HSPD1: variants seen among roughly 807,000 people sequenced by gnomAD.
HSPD1 encodes heat shock protein family D (Hsp60) member 1.
HSPD1 carries 3 observed loss-of-function variants against 53.0 expected under a neutral mutation model. The observed-to-expected ratio is 0.06, with a 90% CI of 0.03 to 0.15. The LOEUF (loss-of-function observed/expected upper bound fraction) is 0.15, where lower values mean the gene tolerates loss of function less well. HSPD1 is among the 10% of genes least tolerant of loss of function. The probability of loss-of-function intolerance (pLI) is 1.00; values close to 1 mark genes in which losing one functional copy is unlikely to be tolerated. For synonymous variants in HSPD1, 200 were observed against 228.0 expected, an observed-to-expected ratio of 0.88 and a Z score of 1.10; for missense variants, 431 against 694.1, an observed-to-expected ratio of 0.62 and a Z score of 4.26.
Position 197,489,099 on chromosome 2 carries a change from T to G in HSPD1, c.1118A>C (p.Glu373Ala), listed in dbSNP as rs1368807267. The change falls in exon 9 of 12, where the codon GAA becomes GCA. Residue 373 changes from glutamate (E) to alanine (A), a missense_variant. Physicochemically the swap from Glu to Ala is moderately radical, Grantham distance 107. Around this residue, in one of 2 missense-constraint regions of HSPD1, gnomAD observed 386 missense variants for 657.6 expected, o/e 0.59. Transcript: ENST00000388968. ...DKAQIEKRIQ[E>A]IIEQLDVTTS... ...TGTGACATCTAACTGCTCAATGATT[T>G]CTTGAATACGTTTTTCAATTTGAGC... 2 of 1,614,008 alleles carry G rather than the reference T, an allele frequency of 1.2e-6. No individual in the cohort carries two copies. The highest frequency in any genetic ancestry group is 1.7e-6 in the Non-Finnish European group (2 of 1,179,892).
intron 9 of HSPD1, 134 bp downstream of exon 9, chr2:197,488,864 AAAAC>A (rs771531714): frequency 2.5e-5 from 26 of 1,059,692 alleles, no homozygotes; most frequent in South Asian, 1.7e-4. Context: ...AGCTCAAAAC[AAAAC>A]AAACAAAATT....
chr2:197,496,941 T>C, intron 3 of HSPD1, 199 bp downstream of exon 3: 1 of 612,548 alleles, frequency 1.6e-6, no homozygotes, highest in Non-Finnish European at 2.9e-6. Flanking sequence ...AAGTAAAATA[T>C]CAAAATTACC....
At chr2:197,497,039 G>C (rs2086166966) in intron 3 of HSPD1, 101 bp downstream of exon 3, 1 of 1,184,032 alleles carries the variant, frequency 8.4e-7, no homozygotes, top group African/African-American at 1.5e-5. Context: ...AATGAGAGAA[G>C]GATTAATTTC....
chr2:197,489,122 A>G lies in HSPD1; in HGVS notation c.1095T>C (p.Ala365=). The G allele has an allele frequency of 6.2e-7, 1 of 1,614,026 alleles. No homozygotes were observed. Among genetic ancestry groups the G allele is most frequent in the Non-Finnish European group, 8.5e-7 (1 of 1,179,948 alleles). ...TTTCTTGAATACGTTTTTCAATTTGAGCCTTGTCACCTTTTCCTTTTAAGA... is the reference window on the plus strand; with the variant it reads ...TTTCTTGAATACGTTTTTCAATTTGGGCCTTGTCACCTTTTCCTTTTAAGA... ...AMLLKGKGDK[A]QIEKRIQEII... is the part of the protein sequence containing the mutation. Residue 365 remains alanine (A), a synonymous_variant, in exon 9 of 12, where the codon GCT becomes GCC. Transcript: ENST00000388968.
At chr2:197,496,477 G>T (rs2086158439) in intron 3 of HSPD1, among the ~76,000 whole-genome samples, 1 of 152,078 alleles carries the variant, frequency 6.6e-6, no homozygotes, top group African/African-American at 2.4e-5. Context: ...TTACAAGAGG[G>T]TTCCTGGTTT....
chr2:197,487,939 T>A lies in HSPD1; in HGVS notation c.1488A>T (p.Gln496His). 3 of 1,613,706 alleles carry A rather than the reference T, an allele frequency of 1.9e-6. No individual in the cohort carries two copies. Among genetic ancestry groups the A allele is most frequent in the Non-Finnish European group, 1.7e-6 (2 of 1,179,610 alleles). The change falls in exon 11 of 12, where the codon CAA becomes CAT. Residue 496 changes from glutamine to histidine, a missense_variant. By Grantham distance (24) the Gln-to-His change is conservative (BLOSUM62 0). This residue lies in a region of HSPD1 where 386 missense variants were observed against 657.6 expected (regional missense o/e 0.59). Coordinates refer to ENST00000388968, the MANE Select transcript of HSPD1 (RefSeq NM_002156.5). ...CATCATAACCAACTTCTGAGGAACT[T>A]TGCATAATTTTCTCAACTATCAAAG... is the stretch of plus-strand genomic sequence containing the variant. ...EGSLIVEKIM[Q>H]SSSEVGYDAM... is the part of the protein sequence containing the mutation.
chr2:197,492,581 AAAAAC>A lies in HSPD1; in HGVS notation c.869+738_869+742del, dbSNP rs1356257071. ...ATATTTTTAACCAGAAAAACCTTAAAAAAACAAAACAAAACAAAACAAAAAACAAG... is the reference window on the plus strand; with the variant it reads ...ATATTTTTAACCAGAAAAACCTTAAAAAAACAAAACAAAACAAAAAACAAG... On this transcript the variant is annotated intron_variant, in intron 7 of 11. Coordinates refer to ENST00000388968, the MANE Select transcript of HSPD1 (RefSeq NM_002156.5). 5.3e-5 allele frequency among the ~76,000 whole-genome samples: 8 copies of A among 152,076 alleles called. No individual in the cohort carries two copies. In the South Asian group the frequency reaches 6.2e-4, roughly 12 times the overall value.
chr2:197,500,218 C>T (rs969175107), upstream of HSPD1: 13 of 615,060 alleles, frequency 2.1e-5, no homozygotes, highest in Middle Eastern at 1.3e-3. Context: ...GCCTCCGAGT[C>T]TTCGCGTCAG....
intron 4 of HSPD1, 42 bp downstream of exon 4, chr2:197,495,252 T>C (rs1408216807): frequency 8.4e-7 from 1 of 1,184,572 alleles, no homozygotes. Flanking sequence ...ACACATGCCA[T>C]TAAATTTTTT....
chr2:197,488,387 C>A lies in HSPD1; in HGVS notation c.1320G>T (p.Gly440=), dbSNP rs752398270. The A allele has an allele frequency of 3.1e-6, 5 of 1,613,780 alleles. No individual in the cohort carries two copies. In the African/African-American group the frequency reaches 5.3e-5, roughly 17 times the overall value. The change falls in exon 10 of 12, where the codon GGG becomes GGT. Residue 440 remains glycine, a synonymous_variant. Coordinates refer to ENST00000388968, the MANE Select transcript of HSPD1 (RefSeq NM_002156.5). ...AAVEEGIVLG[G]GCALLRCIPA... is the part of the protein sequence containing the mutation. ...GAATGCATCGAAGGAGGGCACAACC[C>A]CCTCCCAAAACAATGCCTTCTTCAA...
chr2:197,487,925 A>G lies in HSPD1; in HGVS notation c.1502T>C (p.Val501Ala), dbSNP rs1410369631. ...VEKIMQSSSE[V>A]GYDAMAGDFV... ...ATCTCCAGCCATAGCATCATAACCA[A>G]CTTCTGAGGAACTTTGCATAATTTT... The change falls in exon 11 of 12, where the codon GTT becomes GCT. Residue 501 changes from valine (V) to alanine (A), a missense_variant. Transcript: ENST00000388968. The G allele has an allele frequency of 1.2e-6, 2 of 1,613,670 alleles. No homozygotes were observed. The highest frequency in any genetic ancestry group is 2.2e-5 in the East Asian group (1 of 44,854).
At chr2:197,499,035 A>C (rs2086200313) in intron 1 of HSPD1, 185 bp from the exon 2 acceptor site, 1 of 662,688 alleles carries the variant, frequency 1.5e-6, no homozygotes, top group Admixed American at 2.6e-5. Context: ...CGCAAGCTAA[A>C]GAGGCCGCCC....
chr2:197,491,123 CA>C (rs2086085929), intron 7 of HSPD1, among the ~76,000 whole-genome samples: 1 of 151,248 alleles, frequency 6.6e-6, no homozygotes, highest in Non-Finnish European at 1.5e-5. Context: ...TTTCAACTAG[CA>C]GTAAAATGGC....
At chr2:197,490,619 A>T in intron 7 of HSPD1, 4 of 324,964 alleles carry the variant, frequency 1.2e-5, no homozygotes, top group South Asian at 1.2e-4. Context: ...TCACGAGGTC[A>T]GGAGTTCGAG....
chr2:197,498,854 G>C lies in HSPD1; in HGVS notation c.-2-4C>G, dbSNP rs202082626. On this transcript the variant is annotated splice_polypyrimidine_tract_variant and splice_region_variant and intron_variant, in intron 1 of 11. Transcript: ENST00000388968. Reference sequence around the variant, plus strand: ...ACTGTGGGTAACCGAAGCATTTCTGGGGATGGAAGCAAAAAGATCATCAGA... The same window carrying C: ...ACTGTGGGTAACCGAAGCATTTCTGCGGATGGAAGCAAAAAGATCATCAGA... 8 of 1,613,684 alleles carry C rather than the reference G, an allele frequency of 5.0e-6. No individual in the cohort carries two copies. The highest frequency in any genetic ancestry group is 5.9e-6 in the Non-Finnish European group (7 of 1,179,824).
At position 197,493,329 on chromosome 2, in the gene HSPD1, C is replaced by T; in HGVS notation, c.864G>A (p.Leu288=). The part of the protein sequence containing the change: ...VDGEALSTLV[L]NRLKVGLQVV... ...CAAATACCACTGCTTATTACCTATT[C>T]AAGACGAGTGTACTTAGAGCTTCTC... is the stretch of plus-strand genomic sequence containing the variant. The change falls in exon 7 of 12, where the codon TTG becomes TTA. Residue 288 remains leucine, a synonymous_variant. Coordinates refer to ENST00000388968, the MANE Select transcript of HSPD1 (RefSeq NM_002156.5). The T allele has an allele frequency of 6.2e-7, 1 of 1,612,896 alleles. No individual in the cohort carries two copies. Among genetic ancestry groups the T allele is most frequent in the Non-Finnish European group, 8.5e-7 (1 of 1,179,046 alleles).
At position 197,487,065 on chromosome 2, in the gene HSPD1, A is replaced by G. The variant is rs751438836; in HGVS notation, c.1703T>C (p.Met568Thr). ...TAGGAGTTAGAACATGCCACCTCCC[A>G]TACCACCTCCCATTCCACCCATTGC... The part of the protein sequence containing the change: ...MGAMGGMGGG[M>T]GGGMF The change falls in exon 12 of 12, where the codon ATG becomes ACG. Residue 568 changes from methionine (M) to threonine (T), a missense_variant. Around this residue, in one of 2 missense-constraint regions of HSPD1, gnomAD observed 386 missense variants for 657.6 expected, o/e 0.59. Transcript: ENST00000388968. 2.0e-6 allele frequency: 3 copies of G among 1,508,958 alleles called. No homozygotes were observed. In the South Asian group the frequency reaches 3.4e-5, roughly 17 times the overall value. The allele number at this position is 1,508,958 out of a possible 1,614,324, so 93.5% of individuals were successfully genotyped here.
At chr2:197,499,228 A>G in intron 1 of HSPD1, 1 of 350,988 alleles carries the variant, frequency 2.8e-6, no homozygotes, top group Non-Finnish European at 5.4e-6. Context: ...TACAAATCCA[A>G]GTGACCAGGG....
At chr2:197,492,221 C>T (rs2086102307) in intron 7 of HSPD1, among the ~76,000 whole-genome samples, 1 of 152,166 alleles carries the variant, frequency 6.6e-6, no homozygotes, top group African/African-American at 2.4e-5. Flanking sequence ...GACAGAGTCT[C>T]GCTTTGTTGC....
Sources: allele counts gnomAD v4.1 joint callset (sites outside exome capture counted in the v4.1 genomes callset), GRCh38; gene constraint gnomAD v4.1.1; regional missense constraint gnomAD v4.1.1; transcripts MANE v1.5; gene names NCBI Gene and HGNC (gene_info 2026-07-23, HGNC 2026-07-21).